The following TRAF7 variants were observed in gnomAD, a reference collection of about 807,000 sequenced individuals.
The protein encoded by TRAF7 is TNF receptor associated factor 7.
TRAF7 carries 45 observed loss-of-function variants against 89.3 expected under a neutral mutation model. The ratio of observed to expected loss-of-function variants is 0.50; its 90% confidence interval spans 0.40 to 0.65. The LOEUF (loss-of-function observed/expected upper bound fraction) is 0.65. Ranked by LOEUF, TRAF7 falls within the 30% of genes least tolerant of loss-of-function variation. TRAF7 has a pLI of 0.00. For missense variants in TRAF7, 677 were observed against 918.1 expected (o/e 0.74, Z 3.39); for synonymous variants, 406 against 369.2 (o/e 1.10, Z -1.14).
At chr16:2,170,588 C>G (rs746287402) in intron 4 of TRAF7, 26 bp from the exon 5 acceptor site, 2 of 1,589,524 alleles carry the variant, frequency 1.3e-6, no homozygotes, top group Admixed American at 3.3e-5. Flanking sequence ...CGGAGCCCCC[C>G]GACAGGCGCC....
chr16:2,174,600 C>T lies in TRAF7; in HGVS notation c.1346+267C>T, dbSNP rs746475936. On this transcript the variant is annotated intron_variant, in intron 14 of 20. Coordinates refer to ENST00000326181, the MANE Select transcript of TRAF7 (RefSeq NM_032271.3). The stretch of plus-strand genomic sequence containing the variant: ...CTTGTCCTGGCCCAGGTGCACCTTG[C>T]GCAACCAGAAGATAGGGGGGACCTT... 5.3e-5 allele frequency among the ~76,000 whole-genome samples: 8 copies of T among 152,188 alleles called. No homozygotes were observed. In the East Asian group the frequency reaches 5.8e-4, roughly 11 times the overall value.
At position 2,177,541 on chromosome 16, in the gene TRAF7, G is replaced by C. The variant is rs1016166343; in HGVS notation, c.*967G>C. On this transcript the variant is annotated 3_prime_UTR_variant, in exon 21 of 21. Transcript: ENST00000326181. ...GAGGAGAGAGGAAAAGGGAGGGCGAGAATGACCACACAACACAGCCTTGGA... is the reference window on the plus strand; with the variant it reads ...GAGGAGAGAGGAAAAGGGAGGGCGACAATGACCACACAACACAGCCTTGGA... 4.3e-6 allele frequency: 1 copy of C among 234,316 alleles called. No homozygotes were observed. Among genetic ancestry groups the C allele is most frequent in the South Asian group, 1.8e-4 (1 of 5,658 alleles). 14.5% of individuals were successfully genotyped at this position (234,316 alleles called of 1,614,324 possible).
intron 2 of TRAF7, among the ~76,000 whole-genome samples, chr16:2,165,166 C>G (rs1265295136): frequency 1.1e-4 from 14 of 122,290 alleles, no homozygotes; most frequent in East Asian, 1.0e-3. Context: ...GCTGCGTGGC[C>G]TGGCCTGGTC....
Position 2,176,351 on chromosome 16 carries a change from A to G in TRAF7, c.1965A>G (p.Arg655=), listed in dbSNP as rs1288852341. ...CCGCGCTGGCTGTGTCCCGGGGCCG[A>G]CTCTTCTCAGGGGCTGTGGATAGCA... ...SVTALAVSRG[R]LFSGAVDSTV... Residue 655 remains arginine (R), a synonymous_variant, in exon 20 of 21, where the codon CGA becomes CGG. Transcript: ENST00000326181. The G allele has an allele frequency of 1.2e-6, 2 of 1,605,156 alleles. No homozygotes were observed. Among genetic ancestry groups the G allele is most frequent in the Non-Finnish European group, 1.7e-6 (2 of 1,178,130 alleles).
intron 2 of TRAF7, among the ~76,000 whole-genome samples, chr16:2,165,353 G>A (rs560040628): frequency 1.5e-4 from 21 of 142,084 alleles, no homozygotes; most frequent in African/African-American, 3.5e-4. Context: ...ATGGTTAAGC[G>A]TGTGAGTGCT....
intron 5 of TRAF7, 87 bp from the exon 6 acceptor site, chr16:2,171,177 C>A (rs13335079): frequency 1.8e-6 from 2 of 1,110,218 alleles, no homozygotes; most frequent in Non-Finnish European, 2.6e-6. Flanking sequence ...GACAGCCAGG[C>A]CTGGAGCAAG....
At chr16:2,170,828 A>G in intron 5 of TRAF7, 98 bp downstream of exon 5, 2 of 1,191,284 alleles carry the variant, frequency 1.7e-6, no homozygotes, top group Admixed American at 2.0e-5. Flanking sequence ...CCCAGCTCAC[A>G]GGGAGAGGGC....
chr16:2,159,934 CCTCCAGGTGTGT>C lies in TRAF7; in HGVS notation c.-38-3941_-38-3930del, dbSNP rs1457901151. Among the ~76,000 whole-genome samples, 1 of 152,234 alleles carries C rather than the reference CCTCCAGGTGTGT, an allele frequency of 6.6e-6. No individual in the cohort carries two copies. Among genetic ancestry groups the C allele is most frequent in the African/African-American group, 2.4e-5 (1 of 41,468 alleles). On this transcript the variant is annotated intron_variant, in intron 1 of 20. Coordinates refer to ENST00000326181, the MANE Select transcript of TRAF7 (RefSeq NM_032271.3). This position sits in a 1 kb window ranked among gnomAD's most constrained non-coding sequence, Gnocchi z 6.5. ...GGGCGGGGACCCCTGACCCAGACCC[CCTCCAGGTGTGT>C]CTCCAGGGAAAGGGGTGGGTGTCCG...
In TRAF7 at chr16:2,176,199, G is replaced by T. The variant is rs1174200569; in HGVS notation, c.1878+19G>T. 1 of 1,602,436 alleles carries T rather than the reference G, an allele frequency of 6.2e-7. No homozygotes were observed. Among genetic ancestry groups the T allele is most frequent in the East Asian group, 2.2e-5 (1 of 44,832 alleles). On this transcript the variant is annotated intron_variant, in intron 19 of 20. Transcript: ENST00000326181. ...CCTCAGGGTGCGTGCTGGCCCAGCG[G>T]TGGCAGGAGGCTCAGAGGGCTGGCA...
Position 2,170,729 on chromosome 16 carries a change from C to G in TRAF7, c.347C>G (p.Pro116Arg). The G allele has an allele frequency of 2.5e-6, 4 of 1,596,932 alleles. No individual in the cohort carries two copies. Among genetic ancestry groups the G allele is most frequent in the Non-Finnish European group, 3.4e-6 (4 of 1,172,320 alleles). Residue 116 changes from proline (P) to arginine (R), a missense_variant and splice_region_variant, in exon 5 of 21, where the codon CCG becomes CGG. Physicochemically the swap from Pro to Arg is moderately radical, Grantham distance 103. This residue lies in a region of TRAF7 where 240 missense variants were observed against 191.9 expected (regional missense o/e 1.25). Coordinates refer to ENST00000326181, the MANE Select transcript of TRAF7 (RefSeq NM_032271.3). ...TCACTGCCCGAGGAGGAGGAGGAGC[C>G]GGTAGGTGTGGGGGACTCGGCGCAG... is the stretch of plus-strand genomic sequence containing the variant. ...TFSLPEEEEE[P>R]EPLVFAEQPS...
chr16:2,174,732 G>A (rs974369911), intron 14 of TRAF7, among the ~76,000 whole-genome samples: 20 of 152,224 alleles, frequency 1.3e-4, no homozygotes, highest in Admixed American at 1.0e-3. Flanking sequence ...CAGGTGGCCC[G>A]CCTGCCTCCT....
At position 2,168,210 on chromosome 16, in the gene TRAF7, C is replaced by A. The variant is rs1208005731; in HGVS notation, c.231+42C>A. 6.5e-7 allele frequency: 1 copy of A among 1,528,224 alleles called. No individual in the cohort carries two copies. The allele number at this position is 1,528,224 out of a possible 1,614,324, so 94.7% of individuals were successfully genotyped here. Reference sequence around the variant, plus strand: ...AGGAGCCCGTGTGAGCCTCAGCCTCCCCCCATCCTCCCTCCTGGGGGAACC... The same window carrying A: ...AGGAGCCCGTGTGAGCCTCAGCCTCACCCCATCCTCCCTCCTGGGGGAACC... On this transcript the variant is annotated intron_variant, in intron 4 of 20. Transcript: ENST00000326181. The surrounding 1 kb of genome is among the most constrained non-coding windows in gnomAD (Gnocchi z 4.1).
In TRAF7 at chr16:2,172,307, G is replaced by A. The variant is rs750329755; in HGVS notation, c.592G>A (p.Gly198Arg). Residue 198 changes from glycine to arginine, a missense_variant, in exon 8 of 21, where the codon GGG (glycine) becomes AGG (arginine). By Grantham distance (125) the Gly-to-Arg change is moderately radical. Transcript: ENST00000326181. ...GCACGGCTGCCGGGTAGCGGGCAGC[G>A]GGAAGCCCCCCATCTTTGAGGTGGA... ...CRHGCRVAGS[G>R]KPPIFEVDPR... The A allele has an allele frequency of 1.7e-5, 27 of 1,612,600 alleles. No individual in the cohort carries two copies. The highest frequency in any genetic ancestry group is 6.7e-5 in the East Asian group (3 of 44,882).
At chr16:2,173,859 T>TGGCCGGCCCCCCCCC in intron 12 of TRAF7, 23 bp downstream of exon 12, 1 of 1,246,252 alleles carries the variant, frequency 8.0e-7, no homozygotes, top group Non-Finnish European at 1.1e-6. Context: ...CCGCCGTGGC[T>TGGCCGGCCCCCCCCC]CCCGCCCACC....
chr16:2,163,824 C>G lies in TRAF7; in HGVS notation c.-38-59C>G, dbSNP rs1456706453. 8.7e-7 allele frequency: 1 copy of G among 1,143,338 alleles called. No homozygotes were observed. Among genetic ancestry groups the G allele is most frequent in the African/African-American group, 1.5e-5 (1 of 65,518 alleles). 70.8% of individuals were successfully genotyped at this position (1,143,338 alleles called of 1,614,324 possible). A position where few individuals can be genotyped will look rare whatever the true frequency, so the allele number is the denominator to read the frequency against. ...GGTCTGCACACTTGCAGCAGCCCGT[C>G]TGACTCACAGGGGCCTGGGCTCCAT... On this transcript the variant is annotated intron_variant, in intron 1 of 20. Coordinates refer to ENST00000326181, the MANE Select transcript of TRAF7 (RefSeq NM_032271.3). The surrounding 1 kb of genome is among the most constrained non-coding windows in gnomAD (Gnocchi z 4.3).
At position 2,159,072 on chromosome 16, in the gene TRAF7, G is replaced by A. The variant is rs142259774; in HGVS notation, c.-39+3214G>A. Among the ~76,000 whole-genome samples the A allele has an allele frequency of 3.6e-4, 55 of 152,332 alleles. No homozygotes were observed. The highest frequency in any genetic ancestry group is 1.2e-3 in the African/African-American group (50 of 41,578). Reference sequence around the variant, plus strand: ...TTGCCAGCCCCCAAGGGGTCGGAGGGGCAGCAAAAGGCATCCTTACTGTGA... The same window carrying A: ...TTGCCAGCCCCCAAGGGGTCGGAGGAGCAGCAAAAGGCATCCTTACTGTGA... On this transcript the variant is annotated intron_variant, in intron 1 of 20. Transcript: ENST00000326181. The surrounding 1 kb of genome is among the most constrained non-coding windows in gnomAD (Gnocchi z 6.5).
intron 1 of TRAF7, among the ~76,000 whole-genome samples, chr16:2,156,522 C>G (rs1276437168): frequency 6.6e-6 from 1 of 152,116 alleles, no homozygotes; most frequent in Non-Finnish European, 1.5e-5. Flanking sequence ...AAAGTGAGTA[C>G]TGGCCGGGGG....
At chr16:2,156,312 T>C (rs2093034132) in intron 1 of TRAF7, among the ~76,000 whole-genome samples, 1 of 152,152 alleles carries the variant, frequency 6.6e-6, no homozygotes, top group Non-Finnish European at 1.5e-5. Flanking sequence ...CTTGCCTGGC[T>C]CCTGGCCGCT....
At position 2,163,976 on chromosome 16, in the gene TRAF7, T is replaced by A. The variant is rs766923754; in HGVS notation, c.56T>A (p.Leu19His). The part of the protein sequence containing the change: ...YNRFSGGPSN[L>H]PTPDVTTGTR... Reference sequence around the variant, plus strand: ...CGCTTCTCCGGGGGGCCCAGCAATCTTCCCACCCCAGACGTCACCACAGGG... The same window carrying A: ...CGCTTCTCCGGGGGGCCCAGCAATCATCCCACCCCAGACGTCACCACAGGG... The change falls in exon 2 of 21, where the codon CTT (leucine) becomes CAT (histidine). Residue 19 changes from leucine (L) to histidine (H), a missense_variant. By Grantham distance (99) the Leu-to-His change is moderately conservative. Around this residue, in one of 6 missense-constraint regions of TRAF7, gnomAD observed 240 missense variants for 191.9 expected, o/e 1.25. Coordinates refer to ENST00000326181, the MANE Select transcript of TRAF7 (RefSeq NM_032271.3). The surrounding 1 kb of genome is among the most constrained non-coding windows in gnomAD (Gnocchi z 4.3). The A allele has an allele frequency of 6.2e-7, 1 of 1,612,672 alleles. No homozygotes were observed.
Sources: gnomAD v4.1 joint callset for allele counts (sites outside exome capture counted in the v4.1 genomes callset) on GRCh38, gnomAD v4.1.1 for gene constraint, gnomAD v4.1.1 regional missense constraint, Gnocchi (gnomAD v3.1) non-coding constraint, MANE v1.5 for transcripts, NCBI Gene and HGNC (gene_info 2026-07-23, HGNC 2026-07-21) for gene names.